The following BMPER variants were observed in gnomAD, a reference collection of about 807,000 sequenced individuals.
The protein encoded by BMPER is BMP binding endothelial regulator, also known as BMP-binding endothelial regulator protein.
Under a neutral mutation model 87.3 loss-of-function variants are expected in BMPER, and 45 were observed. That is an observed-to-expected ratio of 0.52 (90% CI 0.41 to 0.66). BMPER has a LOEUF of 0.66. Among genes scored for constraint, BMPER ranks in the 30% least tolerant of loss-of-function variants. The pLI is 0.00. For synonymous variants in BMPER, 326 were observed against 316.2 expected (o/e 1.03, Z -0.33); for missense variants, 784 against 867.5 (o/e 0.90, Z 1.21).
At chr7:34,084,911 CAAG>C (rs1440421746) in intron 12 of BMPER, among the ~76,000 whole-genome samples, 1 of 152,176 alleles carries the variant, frequency 6.6e-6, no homozygotes, top group African/African-American at 2.4e-5. Flanking sequence ...CTTAGCAAAC[CAAG>C]AAGGGTCTAA....
intron 13 of BMPER, among the ~76,000 whole-genome samples, chr7:34,101,421 T>C (rs1054386664): frequency 1.3e-5 from 2 of 152,194 alleles, no homozygotes; most frequent in African/African-American, 4.8e-5. Flanking sequence ...TCCTTCTTCA[T>C]TAGTTACATC....
intron 11 of BMPER, among the ~76,000 whole-genome samples, chr7:34,077,442 C>T (rs1422262354): frequency 6.6e-6 from 1 of 152,150 alleles, no homozygotes; most frequent in Non-Finnish European, 1.5e-5. Context: ...CAAAATGTGT[C>T]TCTCCCACCT....
chr7:34,095,110 G>C (rs1475790369), intron 13 of BMPER, among the ~76,000 whole-genome samples: 1 of 152,176 alleles, frequency 6.6e-6, no homozygotes, highest in Non-Finnish European at 1.5e-5. Context: ...CAATGGATAA[G>C]ATTGAACTGA....
intron 6 of BMPER, among the ~76,000 whole-genome samples, chr7:34,013,084 C>T (rs139972355): frequency 1.3e-3 from 192 of 151,878 alleles, no homozygotes; most frequent in Non-Finnish European, 6.8e-4. Context: ...AAAACTTGCA[C>T]GCAGAACATT....
chr7:33,968,047 G>A (rs1324439546), intron 4 of BMPER, among the ~76,000 whole-genome samples: 14 of 152,264 alleles, frequency 9.2e-5, no homozygotes, highest in Non-Finnish European at 2.1e-4. Flanking sequence ...ATTGCCTAGC[G>A]TCTCTGGTCA....
At chr7:34,132,982 T>A (rs959728495) in intron 13 of BMPER, among the ~76,000 whole-genome samples, 3 of 152,226 alleles carry the variant, frequency 2.0e-5, no homozygotes, top group South Asian at 2.1e-4. Flanking sequence ...ATCTTTTTTT[T>A]AAATTTGAAT....
chr7:34,065,315 C>T (rs1788559023), intron 11 of BMPER, among the ~76,000 whole-genome samples: 1 of 150,728 alleles, frequency 6.6e-6, no homozygotes, highest in South Asian at 2.1e-4. Flanking sequence ...GAGAGTTTGG[C>T]CAGATCATCC....
intron 6 of BMPER, among the ~76,000 whole-genome samples, chr7:33,982,500 G>GAAAAA (rs758951071): frequency 7.4e-6 from 1 of 134,658 alleles, no homozygotes; most frequent in Admixed American, 7.5e-5. Flanking sequence ...ACAGTCAATT[G>GAAAAA]AAAAAAAAAA....
intron 11 of BMPER, among the ~76,000 whole-genome samples, chr7:34,063,933 C>G (rs375488288): frequency 2.6e-5 from 4 of 152,258 alleles, no homozygotes; most frequent in South Asian, 4.1e-4. Flanking sequence ...TGAGCACAGA[C>G]TCATTACCTC....
At chr7:34,128,091 G>A (rs1211139071) in intron 13 of BMPER, among the ~76,000 whole-genome samples, 1 of 152,192 alleles carries the variant, frequency 6.6e-6, no homozygotes, top group Non-Finnish European at 1.5e-5. Flanking sequence ...TTCTCGTGAT[G>A]TCTGTTCCCC....
intron 4 of BMPER, among the ~76,000 whole-genome samples, chr7:33,968,438 C>T (rs770965220): frequency 6.6e-6 from 1 of 152,126 alleles, no homozygotes; most frequent in Non-Finnish European, 1.5e-5. Flanking sequence ...TGCTTCTCTG[C>T]AGAATGGCAC....
intron 6 of BMPER, among the ~76,000 whole-genome samples, chr7:33,993,943 G>T (rs1228407057): frequency 1.1e-4 from 16 of 152,324 alleles, no homozygotes; most frequent in African/African-American, 3.6e-4. Context: ...GGGGTCAGGG[G>T]TCAGGGACCC....
At position 34,092,222 on chromosome 7, in the gene BMPER, G is replaced by A. The variant is rs146802026; in HGVS notation, c.1745+6130G>A. The stretch of plus-strand genomic sequence containing the variant: ...GTCCACCTTTGATGCTCCAAATGCC[G>A]TGAGCACTTCTTATTGCACAAGTCT... On this transcript the variant is annotated intron_variant, in intron 13 of 14. Coordinates refer to ENST00000649409, the MANE Select transcript of BMPER (RefSeq NM_001365308.1). Among the ~76,000 whole-genome samples, 17 of 152,292 alleles carry A rather than the reference G, an allele frequency of 1.1e-4. No homozygotes were observed. In the East Asian group the frequency reaches 1.7e-3, roughly 16 times the overall value.
rs575800666 is a variant in BMPER at position 34,009,967 on chromosome 7, G to T, written c.576+35183G>T. The stretch of plus-strand genomic sequence containing the variant: ...GGAAGGTGACCTTCTAGGTAATTAT[G>T]ATGAGATACCATGTTTTTCCCAGCT... On this transcript the variant is annotated intron_variant, in intron 6 of 14. Coordinates refer to ENST00000649409, the MANE Select transcript of BMPER (RefSeq NM_001365308.1). Among the ~76,000 whole-genome samples the T allele has an allele frequency of 2.0e-5, 3 of 152,044 alleles. No individual in the cohort carries two copies. The East Asian group carries it at 5.8e-4, about 30-fold the overall frequency.
chr7:34,054,108 C>A (rs1352947292), intron 8 of BMPER, among the ~76,000 whole-genome samples: 3 of 152,080 alleles, frequency 2.0e-5, no homozygotes, highest in Non-Finnish European at 4.4e-5. Flanking sequence ...TTCTGTTTAC[C>A]ACATTATAAT....
intron 6 of BMPER, among the ~76,000 whole-genome samples, chr7:34,023,516 C>A (rs1451701042): frequency 6.6e-6 from 1 of 152,036 alleles, no homozygotes; most frequent in Non-Finnish European, 1.5e-5. Flanking sequence ...TTCTCTGTCT[C>A]TCTCCATGTT....
chr7:34,155,710 A>T lies in BMPER; in HGVS notation c.*2437A>T, dbSNP rs1048362309. The stretch of plus-strand genomic sequence containing the variant: ...TATTCTTTTTTAGGCCACAGGCTAC[A>T]GCTGAGCAATGGCTTAGTCTAATGA... On this transcript the variant is annotated 3_prime_UTR_variant, in exon 15 of 15. Transcript: ENST00000649409. 1 of 152,228 alleles carries T rather than the reference A, an allele frequency of 6.6e-6. No individual in the cohort carries two copies. Among genetic ancestry groups the T allele is most frequent in the South Asian group, 2.1e-4 (1 of 4,830 alleles). 9.4% of individuals were successfully genotyped at this position (152,228 alleles called of 1,614,324 possible). A position where few individuals can be genotyped will look rare whatever the true frequency, so the allele number is the denominator to read the frequency against.
chr7:33,980,182 C>T (rs1040266081), intron 6 of BMPER, among the ~76,000 whole-genome samples: 7 of 152,178 alleles, frequency 4.6e-5, no homozygotes, highest in Admixed American at 2.0e-4. Context: ...TCCCTGTTTA[C>T]CCATTGTAGA....
chr7:33,988,003 G>C (rs1050906682), intron 6 of BMPER, among the ~76,000 whole-genome samples: 13 of 151,982 alleles, frequency 8.6e-5, no homozygotes, highest in African/African-American at 3.1e-4. Context: ...AGTATCTTTT[G>C]GTCATATTTT....
Sources: allele counts gnomAD v4.1 joint callset (sites outside exome capture counted in the v4.1 genomes callset), GRCh38; gene constraint gnomAD v4.1.1; transcripts MANE v1.5; gene names NCBI Gene and HGNC (gene_info 2026-07-23, HGNC 2026-07-21).